Variants in EDA observed in about 807,000 individuals in gnomAD.
The protein encoded by EDA is ectodysplasin A.
A neutral mutation model predicts 23.6 loss-of-function variants in EDA; 2 were observed. That is an observed-to-expected ratio of 0.08 (90% CI 0.03 to 0.27). The LOEUF (loss-of-function observed/expected upper bound fraction) is 0.27, where lower values mean the gene tolerates loss of function less well. Among genes scored for constraint, EDA ranks in the 10% least tolerant of loss-of-function variants. The pLI, the probability that EDA is intolerant of heterozygous loss-of-function variation, is 1.00. For synonymous variants in EDA, 131 were observed against 132.0 expected (o/e 0.99, Z 0.05); for missense variants, 229 against 324.2 (o/e 0.71, Z 2.26).
At chrX:69,648,739 C>A (rs981198335) in intron 1 of EDA, among the ~76,000 whole-genome samples, 4 of 111,773 alleles carry the variant, frequency 3.6e-5, no homozygotes, top group African/African-American at 1.3e-4. Context: ...GAATCACCCC[C>A]CTTCCTAGGG....
intron 1 of EDA, among the ~76,000 whole-genome samples, chrX:69,829,553 G>T: frequency 8.9e-6 from 1 of 112,301 alleles, no homozygotes; most frequent in Middle Eastern, 4.6e-3. Flanking sequence ...CATCACAGAT[G>T]GTTGTTTGCA....
intron 1 of EDA, among the ~76,000 whole-genome samples, chrX:69,933,688 A>G (rs868029873): frequency 1.9e-5 from 2 of 102,572 alleles, no homozygotes; most frequent in African/African-American, 3.5e-5. Flanking sequence ...AAAAAAAAAA[A>G]TGGATAAAAT....
At chrX:69,687,263 G>GTTT (rs75149963) in intron 1 of EDA, among the ~76,000 whole-genome samples, 1 of 96,852 alleles carries the variant, frequency 1.0e-5, no homozygotes, top group Non-Finnish European at 2.1e-5. Context: ...CAATTGAGTA[G>GTTT]TTTTTTTTTT....
In EDA at chrX:69,663,380, C is replaced by T. The variant is rs930141995; in HGVS notation, c.396+46676C>T. Among the ~76,000 whole-genome samples the T allele has an allele frequency of 3.6e-5, 4 of 112,367 alleles. No individual in the cohort carries two copies. The Admixed American group carries it at 3.8e-4, about 11-fold the overall frequency. ...TAAAAGGGGCCAAGGTACAACTCGG[C>T]CTGTGACTTCAGAGGGTGCAAGCCC... On this transcript the variant is annotated intron_variant, in intron 1 of 7. Transcript: ENST00000374552.
At chrX:69,816,643 A>C (rs1361765409) in intron 1 of EDA, among the ~76,000 whole-genome samples, 1 of 111,899 alleles carries the variant, frequency 8.9e-6, no homozygotes, top group Non-Finnish European at 1.9e-5. Context: ...GCAGACAAGA[A>C]TAGAGGAAAA....
At chrX:69,676,990 C>A (rs1366675871) in intron 1 of EDA, among the ~76,000 whole-genome samples, 2 of 79,528 alleles carry the variant, frequency 2.5e-5, no homozygotes, top group Non-Finnish European at 4.8e-5. Flanking sequence ...CCCCCCACCC[C>A]ACAACTGGCC....
intron 1 of EDA, among the ~76,000 whole-genome samples, chrX:69,636,636 T>G (rs770281384): frequency 6.1e-4 from 66 of 108,762 alleles, no homozygotes; most frequent in African/African-American, 2.2e-3. Flanking sequence ...TTCATGGTTT[T>G]TTTTTTTTTT....
intron 1 of EDA, among the ~76,000 whole-genome samples, chrX:69,895,687 C>A (rs2018004182): frequency 8.9e-6 from 1 of 111,768 alleles, no homozygotes; most frequent in South Asian, 3.8e-4. Flanking sequence ...ACCTTCTTGA[C>A]ATTTGACTTT....
chrX:69,714,231 C>T (rs2012218548), intron 1 of EDA, among the ~76,000 whole-genome samples: 1 of 110,454 alleles, frequency 9.1e-6, no homozygotes, highest in Non-Finnish European at 1.9e-5. Flanking sequence ...TTAAGTGTCT[C>T]TTCATGTCTT....
chrX:69,872,869 T>C (rs1487548299), intron 1 of EDA, among the ~76,000 whole-genome samples: 1 of 111,165 alleles, frequency 9.0e-6, no homozygotes, highest in Non-Finnish European at 1.9e-5. Flanking sequence ...AAAGAAACAA[T>C]GGACTTAAAA....
chrX:69,991,731 T>C (rs1158172377), intron 2 of EDA, among the ~76,000 whole-genome samples: 3 of 111,957 alleles, frequency 2.7e-5, no homozygotes, highest in African/African-American at 9.8e-5. Flanking sequence ...GAGATCATTT[T>C]CTGTCATTTT....
intron 1 of EDA, among the ~76,000 whole-genome samples, chrX:69,723,523 T>C (rs778557450): frequency 8.9e-6 from 1 of 112,209 alleles, no homozygotes; most frequent in South Asian, 3.7e-4. Context: ...CATTCAGGTC[T>C]TTATCACTAA....
At chrX:69,969,447 A>G (rs1252305888) in intron 2 of EDA, among the ~76,000 whole-genome samples, 1 of 112,237 alleles carries the variant, frequency 8.9e-6, no homozygotes, top group Non-Finnish European at 1.9e-5. Context: ...TAAAAAATAA[A>G]TGTGTTGAAA....
At chrX:69,964,452 G>C (rs1479114800) in intron 2 of EDA, among the ~76,000 whole-genome samples, 1 of 111,641 alleles carries the variant, frequency 9.0e-6, no homozygotes, top group Non-Finnish European at 1.9e-5. Context: ...AGAATAGATG[G>C]TTGAATTGTT....
intron 1 of EDA, among the ~76,000 whole-genome samples, chrX:69,681,822 C>A (rs9717969): frequency 1.8e-5 from 2 of 110,305 alleles, no homozygotes. Context: ...TCTCTCAGCT[C>A]GTCAAAGTCA....
In EDA at chrX:69,690,224, G is replaced by T. The variant is rs973955028; in HGVS notation, c.396+73520G>T. ...AGAAGTGGTAAGAGCAGACATCCTTGTCCTGTTAGGGGGAAAATATTCAGT... is the reference window on the plus strand; with the variant it reads ...AGAAGTGGTAAGAGCAGACATCCTTTTCCTGTTAGGGGGAAAATATTCAGT... On this transcript the variant is annotated intron_variant, in intron 1 of 7. Coordinates refer to ENST00000374552, the MANE Select transcript of EDA (RefSeq NM_001399.5). Among the ~76,000 whole-genome samples, 8 of 111,533 alleles carry T rather than the reference G, an allele frequency of 7.2e-5. No individual in the cohort carries two copies. The Admixed American group carries it at 7.7e-4, about 11-fold the overall frequency.
rs566323976 is a variant in EDA, at chrX:69,936,189, A to G, written c.397-20838A>G. Among the ~76,000 whole-genome samples the G allele has an allele frequency of 1.3e-4, 14 of 110,380 alleles. No individual in the cohort carries two copies. In the South Asian group the frequency reaches 5.4e-3, roughly 43 times the overall value. The stretch of plus-strand genomic sequence containing the variant: ...ATTTTAAAAAAAATCAATTTGTATA[A>G]CCAACAAATCAAGAGCATCATAAGT... On this transcript the variant is annotated intron_variant, in intron 1 of 7. Coordinates refer to ENST00000374552, the MANE Select transcript of EDA (RefSeq NM_001399.5).
At chrX:69,968,093 GT>G (rs924086648) in intron 2 of EDA, among the ~76,000 whole-genome samples, 12 of 111,173 alleles carry the variant, frequency 1.1e-4, no homozygotes, top group African/African-American at 3.6e-4. Context: ...AAAATATGGG[GT>G]TTTTTTTAAG....
intron 1 of EDA, among the ~76,000 whole-genome samples, chrX:69,934,016 T>C (rs2018638050): frequency 8.9e-6 from 1 of 112,412 alleles, no homozygotes. Context: ...TTTTCCTCTC[T>C]GGGAGCTTTT....
Sources: allele counts gnomAD v4.1 joint callset (sites outside exome capture counted in the v4.1 genomes callset), GRCh38; gene constraint gnomAD v4.1.1; transcripts MANE v1.5; gene names NCBI Gene and HGNC (gene_info 2026-07-23, HGNC 2026-07-21).